Variants in NRG3 observed in about 807,000 individuals in gnomAD.
The protein encoded by NRG3 is neuregulin 3.
In NRG3, 31 loss-of-function variants were observed where a neutral mutation model predicts 66.9. The ratio of observed to expected loss-of-function variants is 0.46; its 90% CI spans 0.35 to 0.63. NRG3 has a LOEUF of 0.63. NRG3 is among the 20% of genes least tolerant of loss of function. NRG3 has a pLI of 0.00. For synonymous variants in NRG3, 393 were observed against 359.4 expected (o/e 1.09, Z -1.06); for missense variants, 910 against 878.9 (o/e 1.04, Z -0.45).
At chr10:82,153,692 G>A (rs915715068) in intron 1 of NRG3, among the ~76,000 whole-genome samples, 15 of 151,714 alleles carry the variant, frequency 9.9e-5, no homozygotes, top group Non-Finnish European at 1.9e-4. Context: ...AGTGTACAAG[G>A]GTTCCCTTTT....
intron 1 of NRG3, among the ~76,000 whole-genome samples, chr10:82,030,229 C>G (rs1162087951): frequency 6.6e-6 from 1 of 152,028 alleles, no homozygotes; most frequent in Non-Finnish European, 1.5e-5. Context: ...GAGATTCTTA[C>G]TTAATGAGAT....
rs533870893 is a variant in NRG3 at position 82,780,010 on chromosome 10, T to C, written c.1027+41360T>C. 2.0e-5 allele frequency among the ~76,000 whole-genome samples: 3 copies of C among 152,170 alleles called. No homozygotes were observed. In the South Asian group the frequency reaches 6.2e-4, roughly 32 times the overall value. ...TCTTGCGTTAGTTTGCTGAGAAAGA[T>C]GGTTTCCAGTTTCATCCATGTTCCT... On this transcript the variant is annotated intron_variant, in intron 3 of 8. Coordinates refer to ENST00000372141, the MANE Select transcript of NRG3 (RefSeq NM_001010848.4).
chr10:81,983,605 T>C (rs2060415661), intron 1 of NRG3, among the ~76,000 whole-genome samples: 1 of 152,214 alleles, frequency 6.6e-6, no homozygotes, highest in Non-Finnish European at 1.5e-5. Context: ...TACTGTGTTC[T>C]AGGCACCACA....
rs371555597 is a variant in NRG3 at position 82,181,917 on chromosome 10, A to G, written c.824-176822A>G. ...CTTCAGTTCTGTCAATGTTTGCTTCATATGTTTAGATGCTCTGATATTGTA... is the reference window on the plus strand; with the variant it reads ...CTTCAGTTCTGTCAATGTTTGCTTCGTATGTTTAGATGCTCTGATATTGTA... On this transcript the variant is annotated intron_variant, in intron 1 of 8. Transcript: ENST00000372141. Among the ~76,000 whole-genome samples, 94 of 151,798 alleles carry G rather than the reference A, an allele frequency of 6.2e-4. No individual in the cohort carries two copies. The South Asian group carries it at 0.016, about 25-fold the overall frequency.
At chr10:82,711,475 T>C (rs908677993) in intron 2 of NRG3, among the ~76,000 whole-genome samples, 6 of 152,070 alleles carry the variant, frequency 3.9e-5, no homozygotes, top group Non-Finnish European at 5.9e-5. Context: ...ATATTCCTCC[T>C]ATGTTTAAGT....
chr10:82,948,486 G>T (rs1849227725), intron 4 of NRG3, among the ~76,000 whole-genome samples: 1 of 152,018 alleles, frequency 6.6e-6, no homozygotes, highest in Non-Finnish European at 1.5e-5. Context: ...TGCTTCCTGA[G>T]ATTTTAATAG....
chr10:82,265,413 G>T (rs559964271), intron 1 of NRG3, among the ~76,000 whole-genome samples: 1 of 152,274 alleles, frequency 6.6e-6, no homozygotes, highest in East Asian at 1.9e-4. Context: ...GGTTATGGAC[G>T]ATGGCACTGT....
At chr10:82,662,383 C>A (rs545892479) in intron 2 of NRG3, among the ~76,000 whole-genome samples, 75 of 152,084 alleles carry the variant, frequency 4.9e-4, no homozygotes, top group African/African-American at 1.6e-3. Context: ...ATCATGAATT[C>A]TCATGAGCCA....
chr10:81,979,223 G>A (rs1484112543), intron 1 of NRG3, among the ~76,000 whole-genome samples: 1 of 149,690 alleles, frequency 6.7e-6, no homozygotes. Flanking sequence ...TTTCCTGTCT[G>A]TCTGAATTCA....
chr10:82,593,553 C>G (rs926602244), intron 2 of NRG3, among the ~76,000 whole-genome samples: 4 of 107,358 alleles, frequency 3.7e-5, no homozygotes. Context: ...ATTAACATTT[C>G]TCGGCTCATT....
intron 2 of NRG3, among the ~76,000 whole-genome samples, chr10:82,654,921 T>C (rs1382967117): frequency 6.6e-6 from 1 of 152,078 alleles, no homozygotes; most frequent in Non-Finnish European, 1.5e-5. Context: ...AATATATTAT[T>C]GGTACAATTT....
At chr10:82,273,013 C>G (rs2078677658) in intron 1 of NRG3, among the ~76,000 whole-genome samples, 1 of 152,112 alleles carries the variant, frequency 6.6e-6, no homozygotes, top group Admixed American at 6.6e-5. Context: ...GTCTTTTCGT[C>G]TCTTGTCCCC....
chr10:82,212,247 G>A lies in NRG3; in HGVS notation c.824-146492G>A, dbSNP rs115108498. ...GTTCTGAGGAGCAAAGAAGCACCTC[G>A]TTGTAGATAAACACATGCATGTAAA... On this transcript the variant is annotated intron_variant, in intron 1 of 8. Transcript: ENST00000372141. Among the ~76,000 whole-genome samples the A allele has an allele frequency of 6.4e-3, 975 of 152,274 alleles. 9 individuals are homozygous for A. Among genetic ancestry groups the A allele is most frequent in the African/African-American group, 0.022 (928 of 41,562 alleles).
chr10:82,364,134 T>C (rs2084369788), intron 2 of NRG3, among the ~76,000 whole-genome samples: 1 of 152,176 alleles, frequency 6.6e-6, no homozygotes, highest in African/African-American at 2.4e-5. Context: ...CCTCTAGTCT[T>C]TCCATTAAGA....
intron 2 of NRG3, among the ~76,000 whole-genome samples, chr10:82,722,471 A>G (rs1308752347): frequency 6.6e-6 from 1 of 152,208 alleles, no homozygotes; most frequent in Non-Finnish European, 1.5e-5. Context: ...TATTTGATCC[A>G]TCTTATATTG....
At chr10:82,018,377 C>A (rs1035877651) in intron 1 of NRG3, among the ~76,000 whole-genome samples, 1 of 152,136 alleles carries the variant, frequency 6.6e-6, no homozygotes, top group Admixed American at 6.6e-5. Flanking sequence ...GTGATGCCTC[C>A]AGCTTTGTTC....
At chr10:82,713,657 C>G (rs2255984) in intron 2 of NRG3, among the ~76,000 whole-genome samples, 87,783 of 152,084 alleles carry the variant, frequency 0.58, 27,143 homozygotes, top group East Asian at 0.79. Context: ...TTATCAAGTG[C>G]ATACATGGGA....
At chr10:82,295,515 A>G (rs1007960106) in intron 1 of NRG3, among the ~76,000 whole-genome samples, 2 of 152,146 alleles carry the variant, frequency 1.3e-5, no homozygotes, top group Admixed American at 6.5e-5. Flanking sequence ...CACATTCACT[A>G]TTAGAATCTG....
At chr10:82,494,478 C>T (rs111435620) in intron 2 of NRG3, among the ~76,000 whole-genome samples, 236 of 151,314 alleles carry the variant, frequency 1.6e-3, no homozygotes, top group African/African-American at 5.4e-3. Flanking sequence ...TGTGTAAGTG[C>T]GAATGTGTGT....
Sources: gnomAD v4.1 joint callset for allele counts (sites outside exome capture counted in the v4.1 genomes callset) on GRCh38, gnomAD v4.1.1 for gene constraint, MANE v1.5 for transcripts, NCBI Gene and HGNC (gene_info 2026-07-23, HGNC 2026-07-21) for gene names.